Variants in NFIB observed in about 807,000 individuals in gnomAD.
NFIB encodes nuclear factor I B, also known as nuclear factor 1 B-type.
In NFIB, 11 loss-of-function variants were observed where a neutral mutation model predicts 61.5. The observed-to-expected ratio is 0.18, with a 90% CI of 0.11 to 0.30. NFIB has a LOEUF of 0.30. Ranked by LOEUF, NFIB falls within the 10% of genes least tolerant of loss-of-function variation. The pLI is 1.00. For synonymous variants in NFIB, 260 were observed against 216.5 expected (o/e 1.20, Z -1.76); for missense variants, 471 against 608.9 (o/e 0.77, Z 2.38).
the NFIB span, among the ~76,000 whole-genome samples, chr9:14,483,464 C>T: frequency 6.6e-6 from 1 of 152,132 alleles, no homozygotes. Flanking sequence ...AGGACGCTTC[C>T]CTAATTTTCA....
rs190565586 is a variant in NFIB at position 14,089,706 on chromosome 9, G to A, written c.1468-1380C>T. Among the ~76,000 whole-genome samples the A allele has an allele frequency of 8.0e-4, 119 of 147,962 alleles. No individual in the cohort carries two copies. The Middle Eastern group carries it at 0.017, about 21-fold the overall frequency. ...TGCTTTACTTTTGAAACCATGAAGTGAGATAGCACTATTGTTGTAGCTATC... is the reference window on the plus strand; with the variant it reads ...TGCTTTACTTTTGAAACCATGAAGTAAGATAGCACTATTGTTGTAGCTATC... On this transcript the variant is annotated intron_variant, in intron 10 of 10. Transcript: ENST00000380953.
chr9:14,302,245 C>T (rs1588224139), intron 2 of NFIB, among the ~76,000 whole-genome samples: 1 of 152,062 alleles, frequency 6.6e-6, no homozygotes, highest in African/African-American at 2.4e-5. Flanking sequence ...TAATTGTTAC[C>T]CAAAAGGATT....
intron 2 of NFIB, among the ~76,000 whole-genome samples, chr9:14,241,258 T>A (rs1377231113): frequency 6.6e-6 from 1 of 152,126 alleles, no homozygotes; most frequent in Admixed American, 6.5e-5. Context: ...GCTAAGTAAA[T>A]ACAAGAATAT....
chr9:14,083,096 T>TAAA lies in NFIB; in HGVS notation c.*5210_*5212dup. 3 of 180,534 alleles carry TAAA rather than the reference T, an allele frequency of 1.7e-5. No individual in the cohort carries two copies. Among genetic ancestry groups the TAAA allele is most frequent in the Non-Finnish European group, 1.2e-5 (1 of 86,598 alleles). 11.2% of individuals were successfully genotyped at this position (180,534 alleles called of 1,614,324 possible). Reference sequence around the variant, plus strand: ...ATTAACTAGTGAACCCTTTTATTATTAAAAAAAAAAAAAAACTACTTACAA... The same window carrying TAAA: ...ATTAACTAGTGAACCCTTTTATTATTAAAAAAAAAAAAAAAAAACTACTTACAA... On this transcript the variant is annotated 3_prime_UTR_variant, in exon 11 of 11. Transcript: ENST00000380953.
intron 2 of NFIB, among the ~76,000 whole-genome samples, chr9:14,189,677 G>C (rs1304457326): frequency 6.6e-6 from 1 of 150,534 alleles, no homozygotes; most frequent in Non-Finnish European, 1.5e-5. Flanking sequence ...GAAGGGCTGG[G>C]TTAGAGTGCA....
chr9:14,279,300 T>C (rs757667273), intron 2 of NFIB, among the ~76,000 whole-genome samples: 1 of 152,140 alleles, frequency 6.6e-6, no homozygotes, highest in African/African-American at 2.4e-5. Flanking sequence ...CTAATCACTA[T>C]GATGAAAAAA....
At chr9:14,353,610 G>C (rs1210029438) in intron 1 of NFIB, among the ~76,000 whole-genome samples, 1 of 152,138 alleles carries the variant, frequency 6.6e-6, no homozygotes, top group East Asian at 1.9e-4. Flanking sequence ...GCCCAGTCTG[G>C]CTTCATTCTT....
Position 14,148,295 on chromosome 9 carries a change from A to C in NFIB, c.807-1488T>G, listed in dbSNP as rs180811927. 3.8e-3 allele frequency among the ~76,000 whole-genome samples: 570 copies of C among 151,878 alleles called. 1 individual carries two copies. Among genetic ancestry groups the C allele is most frequent in the Middle Eastern group, 6.8e-3 (2 of 292 alleles). On this transcript the variant is annotated intron_variant, in intron 5 of 10. Transcript: ENST00000380953. ...ATGCCACCAAGCCTTGCTAATTAAA[A>C]AAATTTTTTGTAGAGAGGGAGTTGT...
rs1308663246 is a variant in NFIB, at chr9:14,313,520, C to T, written c.-9G>A. 5.0e-6 allele frequency: 8 copies of T among 1,613,866 alleles called. No individual in the cohort carries two copies. The South Asian group carries it at 8.8e-5, about 18-fold the overall frequency. On this transcript the variant is annotated 5_prime_UTR_variant, in exon 1 of 11. Transcript: ENST00000380953. The surrounding 1 kb of genome is among the most constrained non-coding windows in gnomAD (Gnocchi z 4.5). Reference sequence around the variant, plus strand: ...ATGGGAGAATACATCATGACTTCGCCTTAAAACGCACTTTCCGGGAGATGC... The same window carrying T: ...ATGGGAGAATACATCATGACTTCGCTTTAAAACGCACTTTCCGGGAGATGC...
At chr9:14,322,098 A>G in intron 1 of NFIB, 3 of 938,718 alleles carry the variant, frequency 3.2e-6, no homozygotes, top group Non-Finnish European at 4.1e-6. Context: ...AAAAAAAAAA[A>G]AAAAGCAATC....
the NFIB span, among the ~76,000 whole-genome samples, chr9:14,477,445 T>C: frequency 6.6e-6 from 1 of 152,132 alleles, no homozygotes; most frequent in Non-Finnish European, 1.5e-5. Flanking sequence ...ATCCAAATAA[T>C]GAGATTGGCC....
chr9:14,263,024 C>A (rs1383010131), intron 2 of NFIB, among the ~76,000 whole-genome samples: 1 of 152,172 alleles, frequency 6.6e-6, no homozygotes, highest in Admixed American at 6.5e-5. Flanking sequence ...GGGGTGCAGA[C>A]ATGATTTCTT....
At chr9:14,509,946 G>C in the NFIB span, among the ~76,000 whole-genome samples, 1 of 152,288 alleles carries the variant, frequency 6.6e-6, no homozygotes, top group Non-Finnish European at 1.5e-5. Flanking sequence ...GCCCAGGCTG[G>C]AGTGCAATGG....
chr9:14,183,938 T>C (rs2047073342), intron 2 of NFIB, among the ~76,000 whole-genome samples: 1 of 152,180 alleles, frequency 6.6e-6, no homozygotes, highest in African/African-American at 2.4e-5. Flanking sequence ...TCTAAATTAC[T>C]ATATTTTAAA....
At chr9:14,290,838 A>G (rs2059044552) in intron 2 of NFIB, among the ~76,000 whole-genome samples, 1 of 152,110 alleles carries the variant, frequency 6.6e-6, no homozygotes, top group South Asian at 2.1e-4. Flanking sequence ...TTCAGTATAA[A>G]TAACTTGCAT....
the NFIB span, among the ~76,000 whole-genome samples, chr9:14,441,868 G>A: frequency 9.2e-5 from 14 of 152,128 alleles, no homozygotes; most frequent in South Asian, 4.2e-4. Flanking sequence ...ACTTACGAGA[G>A]GCAACTATGA....
At chr9:14,211,426 G>A (rs1260246689) in intron 2 of NFIB, among the ~76,000 whole-genome samples, 4 of 152,132 alleles carry the variant, frequency 2.6e-5, no homozygotes, top group African/African-American at 9.7e-5. Context: ...GGTCTACACT[G>A]GTTAAGAAAC....
At chr9:14,288,480 C>G (rs1237132460) in intron 2 of NFIB, among the ~76,000 whole-genome samples, 1 of 152,044 alleles carries the variant, frequency 6.6e-6, no homozygotes, top group African/African-American at 2.4e-5. Flanking sequence ...ATTCCCAAAA[C>G]AGTATATATC....
intron 2 of NFIB, among the ~76,000 whole-genome samples, chr9:14,248,629 C>G (rs2055214695): frequency 6.6e-6 from 1 of 152,180 alleles, no homozygotes; most frequent in South Asian, 2.1e-4. Flanking sequence ...CTCTTCCCCA[C>G]TTTCTGAGAT....
Sources: allele counts gnomAD v4.1 joint callset (sites outside exome capture counted in the v4.1 genomes callset), GRCh38; gene constraint gnomAD v4.1.1; non-coding constraint Gnocchi (gnomAD v3.1); transcripts MANE v1.5; gene names NCBI Gene and HGNC (gene_info 2026-07-23, HGNC 2026-07-21).